Variants in MOB3A observed in about 807,000 individuals in gnomAD.
MOB3A encodes the protein MOB kinase activator 3A.
A neutral mutation model predicts 17.8 loss-of-function variants in MOB3A; 17 were observed. That is an observed-to-expected ratio of 0.95 (90% CI 0.65 to 1.43). The LOEUF is 1.43. Ranked by LOEUF, MOB3A falls within the 40% of genes most tolerant of loss-of-function variation. The pLI is 0.00. For synonymous variants in MOB3A, 124 were observed against 133.2 expected (o/e 0.93, Z 0.48); for missense variants, 333 against 310.8 (o/e 1.07, Z -0.54).
chr19:2,089,265 G>A (rs1477990518), intron 1 of MOB3A, among the ~76,000 whole-genome samples: 1 of 152,190 alleles, frequency 6.6e-6, no homozygotes, highest in Non-Finnish European at 1.5e-5. Context: ...TCCAGAAGCT[G>A]AGGCCAGTTG....
intron 1 of MOB3A, among the ~76,000 whole-genome samples, chr19:2,088,056 G>C (rs963412180): frequency 7.9e-5 from 12 of 152,190 alleles, no homozygotes; most frequent in African/African-American, 2.9e-4. Flanking sequence ...CTGCAGTGGG[G>C]GTCTCACCTG....
Position 2,083,220 on chromosome 19 carries a change from CAA to C in MOB3A, c.-120+1953_-120+1954del, listed in dbSNP as rs1314892139. Among the ~76,000 whole-genome samples, 10 of 152,330 alleles carry C rather than the reference CAA, an allele frequency of 6.6e-5. No individual in the cohort carries two copies. The South Asian group carries it at 2.1e-3, about 32-fold the overall frequency. On this transcript the variant is annotated intron_variant, in intron 2 of 4. Transcript: ENST00000357066. ...GACCCTCCCTGGGAAGCCCCTGATT[CAA>C]AGAGGCCACCTCTGTGCTTATGGTA...
intron 1 of MOB3A, among the ~76,000 whole-genome samples, chr19:2,088,016 C>T (rs2017572909): frequency 6.6e-6 from 1 of 152,162 alleles, no homozygotes; most frequent in Non-Finnish European, 1.5e-5. Context: ...CTCCTCGTGG[C>T]CACTGTGAAG....
chr19:2,078,675 C>A lies in MOB3A; in HGVS notation c.-115G>T. ...CTCACCAAGCCCCACAGCTCTCCCG[C>A]GGACCTGAAATACACAGGGGAATCA... On this transcript the variant is annotated 5_prime_UTR_variant, in exon 3 of 5. Transcript: ENST00000357066. The A allele has an allele frequency of 1.9e-6, 2 of 1,059,900 alleles. No individual in the cohort carries two copies. Among genetic ancestry groups the A allele is most frequent in the Non-Finnish European group, 1.3e-6 (1 of 744,644 alleles). 65.7% of individuals were successfully genotyped at this position (1,059,900 alleles called of 1,614,324 possible). A position where few individuals can be genotyped will look rare whatever the true frequency, so the allele number is the denominator to read the frequency against.
At chr19:2,087,970 C>T (rs1401414563) in intron 1 of MOB3A, among the ~76,000 whole-genome samples, 1 of 152,224 alleles carries the variant, frequency 6.6e-6, no homozygotes, top group Non-Finnish European at 1.5e-5. Flanking sequence ...GCTCTGAGCC[C>T]GCCCAGTGGG....
intron 4 of MOB3A, among the ~76,000 whole-genome samples, chr19:2,074,432 C>T (rs895834591): frequency 6.6e-6 from 1 of 152,110 alleles, no homozygotes; most frequent in African/African-American, 2.4e-5. Context: ...AGGAAGACCC[C>T]ACTACCATCT....
intron 1 of MOB3A, among the ~76,000 whole-genome samples, chr19:2,086,339 C>G (rs969181068): frequency 6.7e-6 from 1 of 149,876 alleles, no homozygotes; most frequent in Non-Finnish European, 1.5e-5. Context: ...AACGCCCAGC[C>G]TCTGAGTGTT....
At chr19:2,088,714 C>T (rs1424956564) in intron 1 of MOB3A, among the ~76,000 whole-genome samples, 3 of 152,080 alleles carry the variant, frequency 2.0e-5, no homozygotes, top group Admixed American at 6.6e-5. Flanking sequence ...ATGATCCGCC[C>T]GCCTCGACCT....
intron 1 of MOB3A, among the ~76,000 whole-genome samples, chr19:2,086,801 T>G (rs2017559195): frequency 6.6e-6 from 1 of 151,602 alleles, no homozygotes; most frequent in Non-Finnish European, 1.5e-5. Context: ...TACATTTTTG[T>G]TTTTTTTAGA....
intron 1 of MOB3A, chr19:2,095,464 A>G (rs923406642): frequency 1.3e-5 from 2 of 152,242 alleles, no homozygotes; most frequent in African/African-American, 4.8e-5. Flanking sequence ...AGAAGGGCCT[A>G]TTCGAAAGGG....
chr19:2,072,510 G>A lies in MOB3A; in HGVS notation c.*885C>T, dbSNP rs940307425. 3.9e-5 allele frequency: 6 copies of A among 152,150 alleles called. No individual in the cohort carries two copies. The highest frequency in any genetic ancestry group is 7.2e-5 in the African/African-American group (3 of 41,428). The allele number at this position is 152,150 out of a possible 1,614,324, so 9.4% of individuals were successfully genotyped here. On this transcript the variant is annotated 3_prime_UTR_variant, in exon 5 of 5. Coordinates refer to ENST00000357066, the MANE Select transcript of MOB3A (RefSeq NM_130807.3). ...ATCAAACCCTTTATGATACACAAAG[G>A]GGCCCTTAGGAAATGAGTCAGAAGC... is the stretch of plus-strand genomic sequence containing the variant.
chr19:2,073,413 G>T lies in MOB3A; in HGVS notation c.636C>A (p.Thr212=). ...GGGGCTCTCAGTGGCACATCCGGGC[G>T]GTCATTTCTTTCTGTAAAGAGCAAG... ...TKELEPLKEM[T]ARMCH Residue 212 remains threonine (T), a synonymous_variant, in exon 5 of 5, where the codon ACC becomes ACA. Coordinates refer to ENST00000357066, the MANE Select transcript of MOB3A (RefSeq NM_130807.3). The T allele has an allele frequency of 1.1e-5, 17 of 1,613,754 alleles. No homozygotes were observed. The highest frequency in any genetic ancestry group is 1.4e-5 in the Non-Finnish European group (17 of 1,180,012).
At chr19:2,088,072 C>T (rs922038673) in intron 1 of MOB3A, among the ~76,000 whole-genome samples, 6 of 152,112 alleles carry the variant, frequency 3.9e-5, no homozygotes, top group Non-Finnish European at 5.9e-5. Flanking sequence ...ACCTGGGGGG[C>T]GATTCTGCAC....
At chr19:2,090,257 C>G (rs529553116) in intron 1 of MOB3A, 1 of 152,300 alleles carries the variant, frequency 6.6e-6, no homozygotes, top group African/African-American at 2.4e-5. Flanking sequence ...CCTTTGTCCC[C>G]GGTGGGAATT....
At chr19:2,086,133 C>G (rs1326781290) in intron 1 of MOB3A, among the ~76,000 whole-genome samples, 1 of 148,758 alleles carries the variant, frequency 6.7e-6, no homozygotes, top group African/African-American at 2.5e-5. Flanking sequence ...CTCTGTCTCC[C>G]AGGTTCAAGC....
chr19:2,077,043 G>A (rs775231308), intron 3 of MOB3A, 30 bp from the exon 4 acceptor site: 4 of 1,588,842 alleles, frequency 2.5e-6, no homozygotes, highest in Admixed American at 3.4e-5. Context: ...ACGGGTCCAC[G>A]GACTCAGCCA....
chr19:2,092,045 GA>G (rs1226918183), intron 1 of MOB3A, among the ~76,000 whole-genome samples: 1 of 140,416 alleles, frequency 7.1e-6, no homozygotes, highest in Non-Finnish European at 1.5e-5. Context: ...CTACAACCAT[GA>G]AAAAAAATAA....
chr19:2,092,086 T>TTTTTGTTTTTG (rs1021176502), intron 1 of MOB3A, among the ~76,000 whole-genome samples: 13 of 149,358 alleles, frequency 8.7e-5, no homozygotes, highest in African/African-American at 3.2e-4. Context: ...GGAAAGGTTT[T>TTTTTGTTTTTG]TTTTTTTTTT....
intron 1 of MOB3A, among the ~76,000 whole-genome samples, chr19:2,094,305 C>T (rs186748542): frequency 1.3e-5 from 2 of 152,222 alleles, no homozygotes; most frequent in East Asian, 3.9e-4. Context: ...CCTCAGCCTC[C>T]CAAAGTGTTG....
Sources: gnomAD v4.1 joint callset for allele counts (sites outside exome capture counted in the v4.1 genomes callset) on GRCh38, gnomAD v4.1.1 for gene constraint, MANE v1.5 for transcripts, NCBI Gene and HGNC (gene_info 2026-07-23, HGNC 2026-07-21) for gene names.